The following MFSD2A variants were observed in gnomAD, a reference collection of about 807,000 sequenced individuals.
MFSD2A encodes the protein MFSD2 lysolipid transporter A, lysophospholipid.
MFSD2A carries 27 observed loss-of-function variants against 64.7 expected under a neutral mutation model. The ratio of observed to expected loss-of-function variants is 0.42; its 90% CI spans 0.31 to 0.58. MFSD2A has a LOEUF of 0.58. Ranked by LOEUF, MFSD2A falls within the 20% of genes least tolerant of loss-of-function variation. The pLI, the probability that MFSD2A is intolerant of heterozygous loss-of-function variation, is 0.18. For missense variants in MFSD2A, 474 were observed against 679.5 expected, an observed-to-expected ratio of 0.70 and a Z score of 3.36; for synonymous variants, 258 against 273.4, an observed-to-expected ratio of 0.94 and a Z score of 0.55.
chr1:39,968,710 G>T lies in MFSD2A; in HGVS notation c.1494G>T (p.Arg498Ser), dbSNP rs1645217673. Residue 498 changes from arginine (R) to serine (S), a missense_variant, in exon 13 of 14, where the codon AGG becomes AGT. Coordinates refer to ENST00000372811, the MANE Select transcript of MFSD2A (RefSeq NM_032793.5). The surrounding 1 kb of genome is among the most constrained non-coding windows in gnomAD (Gnocchi z 4.4). ...LFKMYPIDEERRRQNKKALQA... is the reference protein window; with the variant it reads ...LFKMYPIDEESRRQNKKALQA... ...AAATGTACCCCATTGATGAGGAGAG[G>T]CGGCGGCAGAATAAGAAGGCCCTGC... The T allele has an allele frequency of 6.2e-7, 1 of 1,614,026 alleles. No individual in the cohort carries two copies. Among genetic ancestry groups the T allele is most frequent in the African/African-American group, 1.3e-5 (1 of 74,900 alleles).
intron 6 of MFSD2A, 143 bp downstream of exon 6, chr1:39,966,157 C>A (rs1001266882): frequency 1.0e-6 from 1 of 977,402 alleles, no homozygotes; most frequent in South Asian, 1.7e-5. Context: ...ACCCAATATA[C>A]CTACTTTGCA....
intron 1 of MFSD2A, among the ~76,000 whole-genome samples, chr1:39,956,401 C>G (rs1164548181): frequency 6.6e-6 from 1 of 152,212 alleles, no homozygotes; most frequent in African/African-American, 2.4e-5. Flanking sequence ...TGGATCCTGT[C>G]TCTGAGGCAG....
At position 39,968,638 on chromosome 1, in the gene MFSD2A, G is replaced by T. The variant is rs551374966; in HGVS notation, c.1422G>T (p.Val474=). The T allele has an allele frequency of 1.3e-5, 21 of 1,614,196 alleles. No homozygotes were observed. In the African/African-American group the frequency reaches 2.4e-4, roughly 18 times the overall value. ...ERVKFTLNML[V]TMAPIVLILL... The stretch of plus-strand genomic sequence containing the variant: ...TCAAGTTTACACTGAACATGCTCGT[G>T]ACCATGGCTCCCATAGTTCTCATCC... Residue 474 remains valine (V), a synonymous_variant, in exon 13 of 14, where the codon GTG becomes GTT. Coordinates refer to ENST00000372811, the MANE Select transcript of MFSD2A (RefSeq NM_032793.5). The surrounding 1 kb of genome is among the most constrained non-coding windows in gnomAD (Gnocchi z 4.4).
intron 3 of MFSD2A, among the ~76,000 whole-genome samples, chr1:39,959,214 ATCTTTCTTTC>A (rs1198827234): frequency 2.7e-5 from 4 of 147,686 alleles, no homozygotes; most frequent in South Asian, 4.4e-4. Context: ...TATTATTTTT[ATCTTTCTTTC>A]TCTTTCTTTC....
chr1:39,958,334 G>A lies in MFSD2A; in HGVS notation c.229-367G>A, dbSNP rs1373470037. ...ACAGATGGGAACACTGAAGCACACT[G>A]TGTTCACCCCGTGAATGCTCATTCT... On this transcript the variant is annotated intron_variant, in intron 2 of 13. Coordinates refer to ENST00000372811, the MANE Select transcript of MFSD2A (RefSeq NM_032793.5). This position sits in a 1 kb window ranked among gnomAD's most constrained non-coding sequence, Gnocchi z 4.7. Among the ~76,000 whole-genome samples the A allele has an allele frequency of 6.6e-6, 1 of 152,186 alleles. No individual in the cohort carries two copies. Among genetic ancestry groups the A allele is most frequent in the Non-Finnish European group, 1.5e-5 (1 of 68,028 alleles).
chr1:39,968,787 CTG>C lies in MFSD2A; in HGVS notation c.1529+46_1529+47del, dbSNP rs376352896. The C allele has an allele frequency of 6.2e-7, 1 of 1,606,798 alleles. No homozygotes were observed. The highest frequency in any genetic ancestry group is 1.1e-5 in the South Asian group (1 of 90,436). The stretch of plus-strand genomic sequence containing the variant: ...CAGGATGCTGGAGGAGGGGACGTCA[CTG>C]TGTCTAAACCCTCAATTTGTGTCTC... On this transcript the variant is annotated intron_variant, in intron 13 of 13. Transcript: ENST00000372811. The surrounding 1 kb of genome is among the most constrained non-coding windows in gnomAD (Gnocchi z 4.4).
Position 39,958,537 on chromosome 1 carries a change from C to T in MFSD2A, c.229-164C>T. On this transcript the variant is annotated intron_variant, in intron 2 of 13. Transcript: ENST00000372811. The surrounding 1 kb of genome is among the most constrained non-coding windows in gnomAD (Gnocchi z 4.7). Reference sequence around the variant, plus strand: ...ACTGTTATTGGAGAAATGCTATTGTCATTATTAACAAGGCAAGTGAAGATG... The same window carrying T: ...ACTGTTATTGGAGAAATGCTATTGTTATTATTAACAAGGCAAGTGAAGATG... 1 of 1,050,704 alleles carries T rather than the reference C, an allele frequency of 9.5e-7. No individual in the cohort carries two copies. Among genetic ancestry groups the T allele is most frequent in the South Asian group, 1.4e-5 (1 of 69,930 alleles). 65.1% of individuals were successfully genotyped at this position (1,050,704 alleles called of 1,614,324 possible).
Position 39,968,823 on chromosome 1 carries a change from AAGT to A in MFSD2A, c.1529+79_1529+81del. 4 of 1,501,306 alleles carry A rather than the reference AAGT, an allele frequency of 2.7e-6. No individual in the cohort carries two copies. The highest frequency in any genetic ancestry group is 3.6e-5 in the Admixed American group (2 of 55,396). 93.0% of individuals were successfully genotyped at this position (1,501,306 alleles called of 1,614,324 possible). A position where few individuals can be genotyped will look rare whatever the true frequency, so the allele number is the denominator to read the frequency against. ...CCCTCAATTTGTGTCTCCTGTGGCC[AAGT>A]CCAGACTCACCCCCCACACATCTTC... On this transcript the variant is annotated intron_variant, in intron 13 of 13. Coordinates refer to ENST00000372811, the MANE Select transcript of MFSD2A (RefSeq NM_032793.5). The surrounding 1 kb of genome is among the most constrained non-coding windows in gnomAD (Gnocchi z 4.4).
chr1:39,967,541 TG>T, intron 9 of MFSD2A, 86 bp from the exon 10 acceptor site: 2 of 1,241,090 alleles, frequency 1.6e-6, no homozygotes, highest in Non-Finnish European at 2.4e-6. Flanking sequence ...TGGGCAGGGC[TG>T]GGAGCCACTT....
At chr1:39,967,503 T>C (rs748583119) in intron 9 of MFSD2A, 125 bp from the exon 10 acceptor site, 353 of 868,730 alleles carry the variant, frequency 4.1e-4, no homozygotes, top group Non-Finnish European at 6.5e-4. Flanking sequence ...TCTTCGTTGC[T>C]GCCCACATGA....
chr1:39,966,965 G>C (rs1335535877), intron 8 of MFSD2A, 33 bp downstream of exon 8: 17 of 1,613,380 alleles, frequency 1.1e-5, no homozygotes, highest in Non-Finnish European at 1.4e-5. Flanking sequence ...AGCCTGAGAA[G>C]GAGGTGTAAT....
In MFSD2A at chr1:39,963,141, C is replaced by T; in HGVS notation, c.354-2070C>T. The T allele has an allele frequency of 7.1e-7, 1 of 1,405,582 alleles. No individual in the cohort carries two copies. The highest frequency in any genetic ancestry group is 9.8e-7 in the Non-Finnish European group (1 of 1,015,260). The allele number at this position is 1,405,582 out of a possible 1,614,324, so 87.1% of individuals were successfully genotyped here. On this transcript the variant is annotated intron_variant, in intron 3 of 13. Coordinates refer to ENST00000372811, the MANE Select transcript of MFSD2A (RefSeq NM_032793.5). This position sits in a 1 kb window ranked among gnomAD's most constrained non-coding sequence, Gnocchi z 4.2. ...TGTGCTGGTGCGTCTCATCCCTGCA[C>T]CCAGGAGCACTGGCATCGTCTCCAC... is the stretch of plus-strand genomic sequence containing the variant.
rs1465037870 is a variant in MFSD2A at position 39,968,041 on chromosome 1, G to T, written c.1208+125G>T. 1.5e-5 allele frequency: 10 copies of T among 665,482 alleles called. No homozygotes were observed. The highest frequency in any genetic ancestry group is 5.7e-5 in the Admixed American group (2 of 35,032). 41.2% of individuals were successfully genotyped at this position (665,482 alleles called of 1,614,324 possible). ...CATTCTGTGGGTCCAGGTTAGGAGT[G>T]GGGGAGGTCTGTCCTGTACAGTTGT... On this transcript the variant is annotated intron_variant, in intron 11 of 13. Coordinates refer to ENST00000372811, the MANE Select transcript of MFSD2A (RefSeq NM_032793.5). This position sits in a 1 kb window ranked among gnomAD's most constrained non-coding sequence, Gnocchi z 4.4.
In MFSD2A at chr1:39,965,950, A is replaced by G. The variant is rs1426581714; in HGVS notation, c.650A>G (p.Asn217Ser). The G allele has an allele frequency of 5.0e-6, 8 of 1,614,198 alleles. No individual in the cohort carries two copies. The South Asian group carries it at 6.6e-5, about 13-fold the overall frequency. Residue 217 changes from asparagine (N) to serine (S), a missense_variant, in exon 6 of 14, where the codon AAT becomes AGT. Asn to Ser is a conservative substitution (Grantham distance 46). Coordinates refer to ENST00000372811, the MANE Select transcript of MFSD2A (RefSeq NM_032793.5). This position sits in a 1 kb window ranked among gnomAD's most constrained non-coding sequence, Gnocchi z 5.5. ...QADTPCFQDL[N>S]SSTVASQSAN... is the part of the protein sequence containing the mutation. ...GACACGCCTTGTTTCCAGGACCTCA[A>G]TAGCTCTACAGTAGCTTCACAAAGT...
intron 9 of MFSD2A, 163 bp from the exon 10 acceptor site, chr1:39,967,465 C>T (rs935787425): frequency 1.4e-6 from 1 of 697,386 alleles, no homozygotes; most frequent in South Asian, 1.7e-5. Context: ...TCTGAGCTCC[C>T]CTGGGGAGCC....
Position 39,964,920 on chromosome 1 carries a change from C to T in MFSD2A, c.354-291C>T, listed in dbSNP as rs1570252423. ...GGCACCTGAGGTCTTGGACTCCTGT[C>T]CTAACTCTCAGCCCATTAGAGGCTG... is the stretch of plus-strand genomic sequence containing the variant. On this transcript the variant is annotated intron_variant, in intron 3 of 13. Transcript: ENST00000372811. This position sits in a 1 kb window ranked among gnomAD's most constrained non-coding sequence, Gnocchi z 4.1. 2 of 455,264 alleles carry T rather than the reference C, an allele frequency of 4.4e-6. No individual in the cohort carries two copies. Among genetic ancestry groups the T allele is most frequent in the East Asian group, 3.9e-5 (1 of 25,450 alleles). 28.2% of individuals were successfully genotyped at this position (455,264 alleles called of 1,614,324 possible).
Position 39,958,960 on chromosome 1 carries a change from AC to A in MFSD2A, c.353+139del. On this transcript the variant is annotated intron_variant, in intron 3 of 13. Transcript: ENST00000372811. This position sits in a 1 kb window ranked among gnomAD's most constrained non-coding sequence, Gnocchi z 4.7. ...GAGTTAAAAGCCCAAGGGTGTTGAA[AC>A]CCCATCCGAGGCATCAGCTACCCTG... is the stretch of plus-strand genomic sequence containing the variant. 1 of 1,075,530 alleles carries A rather than the reference AC, an allele frequency of 9.3e-7. No individual in the cohort carries two copies. Among genetic ancestry groups the A allele is most frequent in the Non-Finnish European group, 1.3e-6 (1 of 755,438 alleles). 66.6% of individuals were successfully genotyped at this position (1,075,530 alleles called of 1,614,324 possible).
intron 13 of MFSD2A, among the ~76,000 whole-genome samples, chr1:39,969,120 C>T (rs1645228617): frequency 6.6e-6 from 1 of 152,178 alleles, no homozygotes; most frequent in Non-Finnish European, 1.5e-5. Flanking sequence ...AGTACCTGGC[C>T]CAGCTGAAAG....
rs1206668567 is a variant in MFSD2A, at chr1:39,960,062, T to C, written c.353+1237T>C. Among the ~76,000 whole-genome samples the C allele has an allele frequency of 6.6e-6, 1 of 152,244 alleles. No homozygotes were observed. The highest frequency in any genetic ancestry group is 2.4e-5 in the African/African-American group (1 of 41,470). ...AGCAAACCCATAACCTTTGGCACCTTGGATGACGTAAATTACCTTCTCCCT... is the reference window on the plus strand; with the variant it reads ...AGCAAACCCATAACCTTTGGCACCTCGGATGACGTAAATTACCTTCTCCCT... On this transcript the variant is annotated intron_variant, in intron 3 of 13. Coordinates refer to ENST00000372811, the MANE Select transcript of MFSD2A (RefSeq NM_032793.5). The surrounding 1 kb of genome is among the most constrained non-coding windows in gnomAD (Gnocchi z 4.8).
Sources: allele counts gnomAD v4.1 joint callset (sites outside exome capture counted in the v4.1 genomes callset), GRCh38; gene constraint gnomAD v4.1.1; non-coding constraint Gnocchi (gnomAD v3.1); transcripts MANE v1.5; gene names NCBI Gene and HGNC (gene_info 2026-07-23, HGNC 2026-07-21).